Variants in NRG3 observed in about 807,000 individuals in gnomAD.
NRG3 encodes the protein neuregulin 3.
A neutral mutation model predicts 66.9 loss-of-function variants in NRG3; 31 were observed. That is an observed-to-expected ratio of 0.46 (90% CI 0.35 to 0.63). The LOEUF is 0.63. NRG3 is among the 20% of genes least tolerant of loss of function. The pLI, the probability that NRG3 is intolerant of heterozygous loss-of-function variation, is 0.00. For missense variants in NRG3, 910 were observed against 878.9 expected (o/e 1.04, Z -0.45); for synonymous variants, 393 against 359.4 (o/e 1.09, Z -1.06).
intron 3 of NRG3, among the ~76,000 whole-genome samples, chr10:82,846,027 ACTGT>A (rs1207071160): frequency 1.3e-5 from 2 of 152,208 alleles, no homozygotes; most frequent in Non-Finnish European, 2.9e-5. Context: ...GTTGAGAAAC[ACTGT>A]CTGGTTGAAC....
rs192196611 is a variant in NRG3, at chr10:82,265,653, A to G, written c.824-93086A>G. Reference sequence around the variant, plus strand: ...GAATGGCTGGTTAACAAACTGAGAAACCATTTTCATGGTTGGACCATCTAC... The same window carrying G: ...GAATGGCTGGTTAACAAACTGAGAAGCCATTTTCATGGTTGGACCATCTAC... On this transcript the variant is annotated intron_variant, in intron 1 of 8. Transcript: ENST00000372141. Among the ~76,000 whole-genome samples the G allele has an allele frequency of 6.3e-4, 96 of 152,250 alleles. 1 individual carries two copies. Among genetic ancestry groups the G allele is most frequent in the Admixed American group, 5.4e-3 (83 of 15,290 alleles).
At chr10:82,216,117 C>A (rs543054578) in intron 1 of NRG3, among the ~76,000 whole-genome samples, 72 of 151,550 alleles carry the variant, frequency 4.8e-4, no homozygotes, top group Non-Finnish European at 8.8e-4. Flanking sequence ...GGATTACAGG[C>A]ACACACTGCA....
At chr10:82,515,384 C>T (rs1565013569) in intron 2 of NRG3, among the ~76,000 whole-genome samples, 1 of 152,200 alleles carries the variant, frequency 6.6e-6, no homozygotes, top group Non-Finnish European at 1.5e-5. Context: ...GATTACCTCA[C>T]TATACAGACA....
intron 1 of NRG3, among the ~76,000 whole-genome samples, chr10:81,982,405 A>C (rs191306330): frequency 4.2e-4 from 64 of 152,352 alleles, no homozygotes; most frequent in Admixed American, 7.8e-4. Flanking sequence ...CTGTGCCTCA[A>C]ACCTCTCACA....
intron 1 of NRG3, among the ~76,000 whole-genome samples, chr10:82,040,776 A>G (rs1211647213): frequency 6.6e-6 from 1 of 152,058 alleles, no homozygotes; most frequent in Non-Finnish European, 1.5e-5. Flanking sequence ...CTGCTGTCAG[A>G]AAAAGAAAAT....
chr10:82,961,915 G>T (rs1163950932), intron 6 of NRG3, among the ~76,000 whole-genome samples: 2 of 152,154 alleles, frequency 1.3e-5, no homozygotes, highest in Non-Finnish European at 2.9e-5. Context: ...TACCATATCA[G>T]GCAAATCTGT....
intron 4 of NRG3, among the ~76,000 whole-genome samples, chr10:82,934,181 T>G (rs1053176290): frequency 6.6e-6 from 1 of 152,194 alleles, no homozygotes; most frequent in Non-Finnish European, 1.5e-5. Flanking sequence ...TCTCTAAACA[T>G]GAATGGGCAT....
chr10:81,995,805 G>A (rs12570292), intron 1 of NRG3, among the ~76,000 whole-genome samples: 27,193 of 152,040 alleles, frequency 0.18, 3,094 homozygotes, highest in East Asian at 0.42. Flanking sequence ...TGTACTTTCT[G>A]GTTCTTCATC....
chr10:81,911,296 A>G (rs1465597235), intron 1 of NRG3, among the ~76,000 whole-genome samples: 1 of 152,180 alleles, frequency 6.6e-6, no homozygotes, highest in African/African-American at 2.4e-5. Context: ...ATTTTCAGGT[A>G]AAGTGCTACT....
intron 1 of NRG3, among the ~76,000 whole-genome samples, chr10:82,021,846 G>A (rs1290863973): frequency 1.3e-5 from 2 of 149,730 alleles, no homozygotes; most frequent in East Asian, 4.0e-4. Flanking sequence ...CTTGATTTAG[G>A]GTTAAGTCTT....
chr10:82,257,929 A>C (rs1303179205), intron 1 of NRG3, among the ~76,000 whole-genome samples: 2 of 152,204 alleles, frequency 1.3e-5, no homozygotes, highest in Non-Finnish European at 2.9e-5. Flanking sequence ...CCTGCTAACT[A>C]CAGGGCCTTA....
chr10:82,878,883 C>T (rs770404173), intron 4 of NRG3, among the ~76,000 whole-genome samples: 13 of 152,192 alleles, frequency 8.5e-5, no homozygotes, highest in Non-Finnish European at 1.5e-4. Context: ...TTGGCTCTGC[C>T]TGGCACCCTG....
chr10:81,931,644 C>G (rs1300501369), intron 1 of NRG3, among the ~76,000 whole-genome samples: 2 of 152,132 alleles, frequency 1.3e-5, no homozygotes, highest in Non-Finnish European at 2.9e-5. Flanking sequence ...TCTTGGATTT[C>G]CACACCCACA....
intron 2 of NRG3, among the ~76,000 whole-genome samples, chr10:82,470,109 T>C (rs1841106436): frequency 6.6e-6 from 1 of 152,198 alleles, no homozygotes; most frequent in Non-Finnish European, 1.5e-5. Context: ...GTTTCTGAGA[T>C]GCAGAGCTCA....
chr10:82,273,010 C>T (rs1157263192), intron 1 of NRG3, among the ~76,000 whole-genome samples: 8 of 152,082 alleles, frequency 5.3e-5, no homozygotes, highest in African/African-American at 1.7e-4. Context: ...ATTGTCTTTT[C>T]GTCTCTTGTC....
At chr10:82,123,433 T>C (rs955150263) in intron 1 of NRG3, among the ~76,000 whole-genome samples, 1 of 152,132 alleles carries the variant, frequency 6.6e-6, no homozygotes, top group African/African-American at 2.4e-5. Context: ...ACAGAGCTTA[T>C]GGAGCCCACT....
At chr10:82,954,227 C>G (rs145145993) in intron 5 of NRG3, among the ~76,000 whole-genome samples, 37 of 152,048 alleles carry the variant, frequency 2.4e-4, no homozygotes, top group Non-Finnish European at 4.4e-4. Context: ...AATAAAGAAG[C>G]AGTTAATCAC....
At chr10:82,710,078 G>C (rs1190538696) in intron 2 of NRG3, among the ~76,000 whole-genome samples, 1 of 152,086 alleles carries the variant, frequency 6.6e-6, no homozygotes, top group Non-Finnish European at 1.5e-5. Flanking sequence ...TGATTTTATG[G>C]CCATTTTGGC....
At chr10:82,934,259 G>C (rs1001848487) in intron 4 of NRG3, among the ~76,000 whole-genome samples, 2 of 152,184 alleles carry the variant, frequency 1.3e-5, no homozygotes, top group African/African-American at 4.8e-5. Context: ...TTGCCATAAT[G>C]CGGTTAGGAC....
Sources: gnomAD v4.1 joint callset for allele counts (sites outside exome capture counted in the v4.1 genomes callset) on GRCh38, gnomAD v4.1.1 for gene constraint, MANE v1.5 for transcripts, NCBI Gene and HGNC (gene_info 2026-07-23, HGNC 2026-07-21) for gene names.